CCDC102B: variants seen among roughly 807,000 people sequenced by gnomAD.
CCDC102B encodes the protein coiled-coil domain containing 102B.
A neutral mutation model predicts 57.4 loss-of-function variants in CCDC102B; 75 were observed. The observed-to-expected ratio is 1.31, with a 90% CI of 1.08 to 1.58. The LOEUF is 1.58. Among genes scored for constraint, CCDC102B ranks in the 40% most tolerant of loss-of-function variants. The pLI is 0.00. For synonymous variants in CCDC102B, 206 were observed against 201.9 expected (o/e 1.02, Z -0.17); for missense variants, 636 against 582.6 (o/e 1.09, Z -0.94).
chr18:69,009,628 C>A (rs1190675575), intron 6 of CCDC102B, among the ~76,000 whole-genome samples: 7 of 152,046 alleles, frequency 4.6e-5, no homozygotes, highest in Admixed American at 4.6e-4. Context: ...AAAAACACCA[C>A]ATCCACATTT....
At chr18:69,057,945 A>G (rs1027707077), downstream of CCDC102B, among the ~76,000 whole-genome samples, 1 of 152,050 alleles carries the variant, frequency 6.6e-6, no homozygotes, top group African/African-American at 2.4e-5. Flanking sequence ...TCATCACCCA[A>G]TTCATGAGCA....
intron 6 of CCDC102B, among the ~76,000 whole-genome samples, chr18:68,995,191 C>T (rs1008933912): frequency 6.6e-6 from 1 of 152,026 alleles, no homozygotes; most frequent in African/African-American, 2.4e-5. Flanking sequence ...GAAGTTGGAA[C>T]TTATGTTTAA....
intron 2 of CCDC102B, among the ~76,000 whole-genome samples, chr18:68,743,244 T>C (rs1439492277): frequency 3.5e-5 from 5 of 144,254 alleles, no homozygotes; most frequent in Admixed American, 6.8e-5. Context: ...AATAAATAAA[T>C]AAATAAATAA....
intron 7 of CCDC102B, among the ~76,000 whole-genome samples, chr18:69,013,201 C>T (rs150103019): frequency 6.6e-6 from 1 of 151,802 alleles, no homozygotes; most frequent in Non-Finnish European, 1.5e-5. Context: ...CCTACAAACA[C>T]GAATGAAATC....
In CCDC102B at chr18:68,868,160, A is replaced by C. The variant is rs550853502; in HGVS notation, c.937-6509A>C. On this transcript the variant is annotated intron_variant, in intron 4 of 7. Coordinates refer to ENST00000360242, the MANE Select transcript of CCDC102B (RefSeq NM_024781.3). Reference sequence around the variant, plus strand: ...ACTGAGTTAAAATACTCATTTTATAAAAAGTAAATATTTAAAATTCACTAA... The same window carrying C: ...ACTGAGTTAAAATACTCATTTTATACAAAGTAAATATTTAAAATTCACTAA... 3.4e-4 allele frequency among the ~76,000 whole-genome samples: 52 copies of C among 152,270 alleles called. 1 individual carries two copies. In the South Asian group the frequency reaches 0.011, roughly 32 times the overall value.
At chr18:68,823,555 T>C (rs922484783) in intron 1 of CCDC102B, 2 of 152,228 alleles carry the variant, frequency 1.3e-5, no homozygotes, top group Non-Finnish European at 2.9e-5. Flanking sequence ...TATTTTCCTT[T>C]GGGTATATAC....
At chr18:68,947,991 A>G (rs1055198414) in intron 6 of CCDC102B, among the ~76,000 whole-genome samples, 1 of 152,152 alleles carries the variant, frequency 6.6e-6, no homozygotes, top group African/African-American at 2.4e-5. Context: ...AGCTGGATCA[A>G]GTTTGTAATA....
At chr18:68,961,469 C>A (rs2050046718) in intron 6 of CCDC102B, among the ~76,000 whole-genome samples, 1 of 151,758 alleles carries the variant, frequency 6.6e-6, no homozygotes, top group Non-Finnish European at 1.5e-5. Context: ...ATGACTATTT[C>A]TTTAAAGTTG....
At chr18:69,047,806 A>G (rs2052604976) in intron 7 of CCDC102B, among the ~76,000 whole-genome samples, 1 of 152,092 alleles carries the variant, frequency 6.6e-6, no homozygotes, top group South Asian at 2.1e-4. Context: ...AAAAGAATAG[A>G]ATACCTAGGA....
At chr18:68,864,401 T>A (rs2038888711) in intron 4 of CCDC102B, among the ~76,000 whole-genome samples, 1 of 151,986 alleles carries the variant, frequency 6.6e-6, no homozygotes, top group Non-Finnish European at 1.5e-5. Flanking sequence ...AAAATACTGA[T>A]ATTGGGATCC....
chr18:69,004,439 G>T (rs1599834177), intron 6 of CCDC102B, among the ~76,000 whole-genome samples: 2 of 152,112 alleles, frequency 1.3e-5, no homozygotes, highest in African/African-American at 4.8e-5. Flanking sequence ...CCAGGAAGTT[G>T]GTGTGGACTT....
chr18:68,981,922 A>G (rs1038166530), intron 6 of CCDC102B, among the ~76,000 whole-genome samples: 2 of 152,004 alleles, frequency 1.3e-5, no homozygotes, highest in Non-Finnish European at 2.9e-5. Flanking sequence ...ACATGAACTC[A>G]TCCTTTTTTA....
At chr18:68,790,577 GAGT>G (rs2035416783) in intron 2 of CCDC102B, among the ~76,000 whole-genome samples, 1 of 152,178 alleles carries the variant, frequency 6.6e-6, no homozygotes, top group African/African-American at 2.4e-5. Context: ...ATTCGGGTGG[GAGT>G]GACCCGATTT....
At chr18:68,821,159 A>G (rs1371375656) in intron 1 of CCDC102B, among the ~76,000 whole-genome samples, 1 of 152,102 alleles carries the variant, frequency 6.6e-6, no homozygotes, top group Non-Finnish European at 1.5e-5. Flanking sequence ...CACACTACAC[A>G]AAAATTTGGC....
chr18:68,996,083 T>G (rs895088272), intron 6 of CCDC102B, among the ~76,000 whole-genome samples: 13 of 152,232 alleles, frequency 8.5e-5, no homozygotes, highest in African/African-American at 3.1e-4. Context: ...ATGCAAAGTA[T>G]TGTTCCTGCG....
intron 2 of CCDC102B, among the ~76,000 whole-genome samples, chr18:68,775,391 T>G (rs1836703691): frequency 6.6e-6 from 1 of 152,148 alleles, no homozygotes; most frequent in African/African-American, 2.4e-5. Context: ...TTGATTTAGA[T>G]AAGATCTATA....
chr18:68,890,733 C>A (rs1414786192), intron 5 of CCDC102B, among the ~76,000 whole-genome samples: 1 of 152,078 alleles, frequency 6.6e-6, no homozygotes, highest in Non-Finnish European at 1.5e-5. Flanking sequence ...TTGTTTTGTT[C>A]ATCAAATTGT....
At chr18:68,901,940 C>T (rs2040469040) in intron 6 of CCDC102B, among the ~76,000 whole-genome samples, 1 of 152,186 alleles carries the variant, frequency 6.6e-6, no homozygotes, top group Non-Finnish European at 1.5e-5. Context: ...AAACCTCCTT[C>T]ATTCTGAACC....
At chr18:68,744,213 ATAGGAAATGAGATAG>A (rs2033524610) in intron 2 of CCDC102B, among the ~76,000 whole-genome samples, 1 of 152,148 alleles carries the variant, frequency 6.6e-6, no homozygotes, top group Admixed American at 6.5e-5. Flanking sequence ...CACAGTTTGG[ATAGGAAATGAGATAG>A]AGAAATAATT....
Sources: gnomAD v4.1 joint callset for allele counts (sites outside exome capture counted in the v4.1 genomes callset) on GRCh38, gnomAD v4.1.1 for gene constraint, MANE v1.5 for transcripts, NCBI Gene and HGNC (gene_info 2026-07-23, HGNC 2026-07-21) for gene names.